Variants in CAPN2 observed in about 807,000 individuals in gnomAD.
The protein encoded by CAPN2 is calpain-2 catalytic subunit.
CAPN2 carries 92 observed loss-of-function variants against 102.3 expected under a neutral mutation model. That is an observed-to-expected ratio of 0.90 (90% CI 0.76 to 1.07). The LOEUF is 1.07. Among genes scored for constraint, CAPN2 ranks in the 50% least tolerant of loss-of-function variants. CAPN2 has a pLI of 0.00. For missense variants in CAPN2, 800 were observed against 909.4 expected, an observed-to-expected ratio of 0.88 and a Z score of 1.55; for synonymous variants, 340 against 355.4, an observed-to-expected ratio of 0.96 and a Z score of 0.49.
At chr1:223,722,434 C>T (rs961157249) in intron 2 of CAPN2, among the ~76,000 whole-genome samples, 166 of 151,116 alleles carry the variant, frequency 1.1e-3, no homozygotes, top group African/African-American at 3.8e-3. Flanking sequence ...ACTACAGGCA[C>T]GCACCACCTC....
intron 9 of CAPN2, among the ~76,000 whole-genome samples, 165 bp downstream of exon 9, chr1:223,753,121 C>CAATGAGCCTTTTCTCA (rs1660946889): frequency 6.7e-6 from 1 of 149,190 alleles, no homozygotes; most frequent in African/African-American, 2.6e-5. Flanking sequence ...TTTTCTTTTC[C>CAATGAGCCTTTTCTCA]CTGAGCCTTT....
At position 223,768,781 on chromosome 1, in the gene CAPN2, A is replaced by G. The variant is rs575353590; in HGVS notation, c.1756-1060A>G. Among the ~76,000 whole-genome samples the G allele has an allele frequency of 2.3e-4, 34 of 151,106 alleles. No individual in the cohort carries two copies. The East Asian group carries it at 5.5e-3, about 24-fold the overall frequency. On this transcript the variant is annotated intron_variant, in intron 16 of 20. Transcript: ENST00000295006. ...GAATCTGTAAATTACCTTGGGCAGT[A>G]TGGCCATTTTCACAATATTGATTCT...
At chr1:223,741,466 A>AATGTG (rs1660614140) in intron 2 of CAPN2, among the ~76,000 whole-genome samples, 2 of 139,052 alleles carry the variant, frequency 1.4e-5, no homozygotes, top group African/African-American at 5.8e-5. Context: ...ATATATATAT[A>AATGTG]TATTTGAGAG....
chr1:223,725,941 TTAAGAC>T lies in CAPN2; in HGVS notation c.307+8113_307+8118del, dbSNP rs1183082115. Among the ~76,000 whole-genome samples, 2 of 152,130 alleles carry T rather than the reference TTAAGAC, an allele frequency of 1.3e-5. No homozygotes were observed. The highest frequency in any genetic ancestry group is 2.9e-5 in the Non-Finnish European group (2 of 68,024). On this transcript the variant is annotated intron_variant, in intron 2 of 20. Transcript: ENST00000295006. The surrounding 1 kb of genome is among the most constrained non-coding windows in gnomAD (Gnocchi z 4.1). The stretch of plus-strand genomic sequence containing the variant: ...TTCTTTTCCTACAATGCAGGGAACT[TTAAGAC>T]TATGTGACAGAAAGGTGCCACTGGA...
intron 2 of CAPN2, among the ~76,000 whole-genome samples, chr1:223,736,098 C>T (rs1660449690): frequency 1.3e-5 from 2 of 152,132 alleles, no homozygotes; most frequent in Admixed American, 1.3e-4. Context: ...TTTCACCACC[C>T]AAGTGACCAG....
intron 1 of CAPN2, 144 bp downstream of exon 1, chr1:223,713,021 C>A: frequency 2.1e-6 from 1 of 484,918 alleles, no homozygotes; most frequent in Non-Finnish European, 3.2e-6. Flanking sequence ...TCCTGCGACA[C>A]CTCCGCGCCG....
At chr1:223,713,792 A>G (rs1383204739) in intron 1 of CAPN2, among the ~76,000 whole-genome samples, 1 of 152,222 alleles carries the variant, frequency 6.6e-6, no homozygotes, top group Non-Finnish European at 1.5e-5. Flanking sequence ...GCCCATAGGT[A>G]GCAAGGGCTG....
At chr1:223,711,145 T>C (rs1232722188), upstream of CAPN2, among the ~76,000 whole-genome samples, 1 of 152,208 alleles carries the variant, frequency 6.6e-6, no homozygotes, top group African/African-American at 2.4e-5. Flanking sequence ...GCTGTGACCA[T>C]AAAAACTATC....
At chr1:223,722,889 G>A (rs779605517) in intron 2 of CAPN2, among the ~76,000 whole-genome samples, 27 of 152,132 alleles carry the variant, frequency 1.8e-4, no homozygotes, top group African/African-American at 5.6e-4. Flanking sequence ...AGGACCCCAC[G>A]TTTCATTTAG....
chr1:223,715,333 G>T (rs180786975), intron 1 of CAPN2, among the ~76,000 whole-genome samples: 1 of 152,238 alleles, frequency 6.6e-6, no homozygotes, highest in East Asian at 1.9e-4. Flanking sequence ...GAGGAGAACT[G>T]ATAGGTAGAG....
At chr1:223,737,714 TGGGGG>T (rs1310191822) in intron 2 of CAPN2, among the ~76,000 whole-genome samples, 2 of 16,956 alleles carry the variant, frequency 1.2e-4, no homozygotes, top group Non-Finnish European at 2.7e-4. Context: ...GGGCGGGGGG[TGGGGG>T]GGAGAGAATA....
At chr1:223,766,208 C>T (rs1395913689) in intron 15 of CAPN2, among the ~76,000 whole-genome samples, 159 bp from the exon 16 acceptor site, 4 of 152,108 alleles carry the variant, frequency 2.6e-5, no homozygotes, top group Admixed American at 1.3e-4. Flanking sequence ...CTGCACTGTC[C>T]CAGTCTGGTA....
rs530234701 is a variant in CAPN2, at chr1:223,759,735, C to T, written c.1529+254C>T. ...GTGGCTGTACAGTGAATTGCAGGGTCTAATTTCATAAGCGTGTCTCTGAAT... is the reference window on the plus strand; with the variant it reads ...GTGGCTGTACAGTGAATTGCAGGGTTTAATTTCATAAGCGTGTCTCTGAAT... On this transcript the variant is annotated intron_variant, in intron 12 of 20. Transcript: ENST00000295006. The surrounding 1 kb of genome is among the most constrained non-coding windows in gnomAD (Gnocchi z 4.6). Among the ~76,000 whole-genome samples the T allele has an allele frequency of 6.6e-6, 1 of 152,338 alleles. No homozygotes were observed. The highest frequency in any genetic ancestry group is 1.9e-4 in the East Asian group (1 of 5,186).
chr1:223,737,316 C>T (rs1044594953), intron 2 of CAPN2, among the ~76,000 whole-genome samples: 1 of 152,170 alleles, frequency 6.6e-6, no homozygotes, highest in Non-Finnish European at 1.5e-5. Context: ...TAGGGATGGC[C>T]GGTCTGTCAA....
At chr1:223,720,030 C>T (rs530129701) in intron 2 of CAPN2, among the ~76,000 whole-genome samples, 10 of 152,268 alleles carry the variant, frequency 6.6e-5, no homozygotes, top group African/African-American at 2.4e-4. Context: ...GAACAGAGGC[C>T]ATGGCAGTGA....
Position 223,750,887 on chromosome 1 carries a change from C to A in CAPN2, c.814-3C>A. ...TACTCCTCCCTTTTATCTAATCCTG[C>A]AGGTTGAAAGTAACGGAAGCCTACA... On this transcript the variant is annotated splice_polypyrimidine_tract_variant and splice_region_variant and intron_variant, in intron 6 of 20. Transcript: ENST00000295006. 2 of 1,551,702 alleles carry A rather than the reference C, an allele frequency of 1.3e-6. No individual in the cohort carries two copies. Among genetic ancestry groups the A allele is most frequent in the Non-Finnish European group, 1.7e-6 (2 of 1,146,870 alleles).
chr1:223,747,655 T>C (rs1299030200), intron 5 of CAPN2, among the ~76,000 whole-genome samples: 2 of 152,214 alleles, frequency 1.3e-5, no homozygotes, highest in African/African-American at 2.4e-5. Context: ...GTTCAGTTCA[T>C]AATAACTCAT....
chr1:223,775,090 G>C lies in CAPN2; in HGVS notation c.*233G>C. ...AATGCAAATGAGTCGCTTAACCCTT[G>C]ACAAGGTCAAAGAAAGCTTTAAATC... On this transcript the variant is annotated 3_prime_UTR_variant, in exon 21 of 21. Transcript: ENST00000295006. 1 of 539,878 alleles carries C rather than the reference G, an allele frequency of 1.9e-6. No homozygotes were observed. 33.4% of individuals were successfully genotyped at this position (539,878 alleles called of 1,614,324 possible).
At position 223,771,931 on chromosome 1, in the gene CAPN2, T is replaced by C. The variant is rs535459648; in HGVS notation, c.2020+6T>C. 3 of 1,584,756 alleles carry C rather than the reference T, an allele frequency of 1.9e-6. No individual in the cohort carries two copies. The highest frequency in any genetic ancestry group is 2.2e-5 in the East Asian group (1 of 44,744). ...TCGGCTGGAAACGCTATTCAGTAAG[T>C]GGATATTTGGGGAATGACTCATTTC... On this transcript the variant is annotated splice_donor_region_variant and intron_variant, in intron 19 of 20. Transcript: ENST00000295006.
Sources: allele counts gnomAD v4.1 joint callset (sites outside exome capture counted in the v4.1 genomes callset), GRCh38; gene constraint gnomAD v4.1.1; non-coding constraint Gnocchi (gnomAD v3.1); transcripts MANE v1.5; gene names NCBI Gene and HGNC (gene_info 2026-07-23, HGNC 2026-07-21).